Variants in HDAC3 observed in about 807,000 individuals in gnomAD.
HDAC3 encodes the protein histone deacetylase 3.
Under a neutral mutation model 62.3 loss-of-function variants are expected in HDAC3, and 21 were observed. That is an observed-to-expected ratio of 0.34 (90% confidence interval 0.24 to 0.49). HDAC3 has a LOEUF of 0.49. Ranked by LOEUF, HDAC3 falls within the 20% of genes least tolerant of loss-of-function variation. HDAC3 has a pLI of 0.99. For synonymous variants in HDAC3, 198 were observed against 206.5 expected, an observed-to-expected ratio of 0.96 and a Z score of 0.35; for missense variants, 270 against 556.9, an observed-to-expected ratio of 0.48 and a Z score of 5.19.
At chr5:141,630,952 G>A (rs921820630) in intron 3 of HDAC3, among the ~76,000 whole-genome samples, 1 of 149,010 alleles carries the variant, frequency 6.7e-6, no homozygotes, top group African/African-American at 2.5e-5. Flanking sequence ...CTCCCAAATT[G>A]TTGGGACTAC....
rs76859582 is a variant in HDAC3, at chr5:141,631,855, C to T, written c.282-1730G>A. Among the ~76,000 whole-genome samples the T allele has an allele frequency of 1.4e-3, 216 of 152,124 alleles. 2 individuals carry two copies. In the East Asian group the frequency reaches 0.028, roughly 20 times the overall value. On this transcript the variant is annotated intron_variant, in intron 3 of 14. Transcript: ENST00000305264. ...GGCTGTAAAGCACTTAGAACAGTAC[C>T]TAGTATATAACAGGTATTACCTAAG...
chr5:141,634,224 G>A (rs571048579), intron 3 of HDAC3, among the ~76,000 whole-genome samples: 21 of 151,962 alleles, frequency 1.4e-4, no homozygotes, highest in South Asian at 2.1e-4. Context: ...TCTACTCTAC[G>A]GGTAAAAACC....
chr5:141,635,162 A>C, intron 2 of HDAC3: 5 of 481,768 alleles, frequency 1.0e-5, no homozygotes, highest in South Asian at 6.3e-5. Context: ...TTTCCTTTCC[A>C]CCTCCAGCTC....
Position 141,628,338 on chromosome 5 carries a change from C to G in HDAC3, c.692-151G>C. 2 of 751,838 alleles carry G rather than the reference C, an allele frequency of 2.7e-6. No individual in the cohort carries two copies. Among genetic ancestry groups the G allele is most frequent in the Non-Finnish European group, 4.6e-6 (2 of 439,358 alleles). The allele number at this position is 751,838 out of a possible 1,614,324, so 46.6% of individuals were successfully genotyped here. Reference sequence around the variant, plus strand: ...TGGTCTGAAACTTCTGGAAGGGATCCCAGACTGCTATGAGTGACTGATGAA... The same window carrying G: ...TGGTCTGAAACTTCTGGAAGGGATCGCAGACTGCTATGAGTGACTGATGAA... On this transcript the variant is annotated intron_variant, in intron 8 of 14. Transcript: ENST00000305264. This position sits in a 1 kb window ranked among gnomAD's most constrained non-coding sequence, Gnocchi z 4.7.
chr5:141,635,219 T>G, intron 2 of HDAC3: 2 of 344,262 alleles, frequency 5.8e-6, no homozygotes, highest in Non-Finnish European at 5.3e-6. Flanking sequence ...ACCTGCCCTG[T>G]TCCTTGGAAT....
chr5:141,621,582 A>G (rs146062603), intron 14 of HDAC3, 45 bp from the exon 15 acceptor site: 28,885 of 1,528,626 alleles, frequency 0.019, 365 homozygotes, highest in South Asian at 0.033. Context: ...TCTAAGTTCT[A>G]ATCTTCTCCC....
Position 141,621,137 on chromosome 5 carries a change from C to T in HDAC3, c.*331G>A. On this transcript the variant is annotated 3_prime_UTR_variant, in exon 15 of 15. Coordinates refer to ENST00000305264, the MANE Select transcript of HDAC3 (RefSeq NM_003883.4). Reference sequence around the variant, plus strand: ...CAATCTCAGTCCTTGTCTACCCGTTCATCCCTCAAAAATCTCTGGGTTCGA... The same window carrying T: ...CAATCTCAGTCCTTGTCTACCCGTTTATCCCTCAAAAATCTCTGGGTTCGA... The T allele has an allele frequency of 3.3e-6, 1 of 299,322 alleles. No homozygotes were observed. The highest frequency in any genetic ancestry group is 3.1e-5 in the South Asian group (1 of 32,358). 18.5% of individuals were successfully genotyped at this position (299,322 alleles called of 1,614,324 possible).
intron 14 of HDAC3, among the ~76,000 whole-genome samples, chr5:141,622,112 C>T (rs370577349): frequency 1.3e-5 from 2 of 152,128 alleles, no homozygotes; most frequent in Admixed American, 6.5e-5. Context: ...AGATGAGATC[C>T]TGGATGTAGG....
intron 10 of HDAC3, 117 bp downstream of exon 10, chr5:141,627,776 G>A: frequency 1.2e-6 from 1 of 840,222 alleles, no homozygotes; most frequent in Non-Finnish European, 2.0e-6. Flanking sequence ...AGTACAATTT[G>A]TAGCTATTTT....
In HDAC3 at chr5:141,625,635, G is replaced by A; in HGVS notation, c.1059+50C>T. 6.5e-7 allele frequency: 1 copy of A among 1,547,084 alleles called. No homozygotes were observed. Among genetic ancestry groups the A allele is most frequent in the East Asian group, 2.2e-5 (1 of 44,532 alleles). ...CTTCCCACATCTTTGACCTCTCCTG[G>A]GCTCCACCTTTCAGGAGAAGTTTGT... On this transcript the variant is annotated intron_variant, in intron 13 of 14. Coordinates refer to ENST00000305264, the MANE Select transcript of HDAC3 (RefSeq NM_003883.4). This position sits in a 1 kb window ranked among gnomAD's most constrained non-coding sequence, Gnocchi z 4.0.
chr5:141,621,769 T>A (rs1172264714), intron 14 of HDAC3, among the ~76,000 whole-genome samples: 5 of 152,226 alleles, frequency 3.3e-5, no homozygotes, highest in Admixed American at 2.6e-4. Flanking sequence ...GACAAGGTTG[T>A]CTATCCTCAA....
chr5:141,627,850 G>T (rs1041855186), intron 10 of HDAC3, 43 bp downstream of exon 10: 3 of 1,591,278 alleles, frequency 1.9e-6, no homozygotes, highest in African/African-American at 1.3e-5. Context: ...GAAGTCCAAG[G>T]CCACTTAAAA....
In HDAC3 at chr5:141,628,531, G is replaced by A. The variant is rs202005373; in HGVS notation, c.691+28C>T. 1.9e-6 allele frequency: 3 copies of A among 1,568,884 alleles called. No homozygotes were observed. The highest frequency in any genetic ancestry group is 2.2e-5 in the East Asian group (1 of 44,674). On this transcript the variant is annotated intron_variant, in intron 8 of 14. Transcript: ENST00000305264. This position sits in a 1 kb window ranked among gnomAD's most constrained non-coding sequence, Gnocchi z 4.7. The stretch of plus-strand genomic sequence containing the variant: ...TCAAGGAGAAAAAGAAGGGGCCTAG[G>A]GAACAGAGGGAAGACTTCGGTACTT...
intron 10 of HDAC3, 23 bp downstream of exon 10, chr5:141,627,867 GGGA>G (rs777129932): frequency 1.9e-6 from 3 of 1,612,478 alleles, no homozygotes; most frequent in Non-Finnish European, 2.5e-6. Context: ...AAAAACCTTG[GGGA>G]GAAGAAGGAG....
Position 141,628,326 on chromosome 5 carries a change from C to T in HDAC3, c.692-139G>A, listed in dbSNP as rs2099904732. ...GAATCAAATCACTGGTCTGAAACTT[C>T]TGGAAGGGATCCCAGACTGCTATGA... On this transcript the variant is annotated intron_variant, in intron 8 of 14. Coordinates refer to ENST00000305264, the MANE Select transcript of HDAC3 (RefSeq NM_003883.4). The surrounding 1 kb of genome is among the most constrained non-coding windows in gnomAD (Gnocchi z 4.7). The T allele has an allele frequency of 1.3e-6, 1 of 788,120 alleles. No homozygotes were observed. Among genetic ancestry groups the T allele is most frequent in the Non-Finnish European group, 2.1e-6 (1 of 470,258 alleles). 48.8% of individuals were successfully genotyped at this position (788,120 alleles called of 1,614,324 possible).
chr5:141,634,834 A>G lies in HDAC3; in HGVS notation c.258T>C (p.Asn86=), dbSNP rs199771571. The change falls in exon 3 of 15, where the codon AAT becomes AAC. Residue 86 remains asparagine, a synonymous_variant. Coordinates refer to ENST00000305264, the MANE Select transcript of HDAC3 (RefSeq NM_003883.4). The part of the protein sequence containing the change: ...TNMQGFTKSL[N]AFNVGDDCPV... Reference sequence around the variant, plus strand: ...ACCAGTCATCGCCTACGTTGAAGGCATTAAGACTCTTGGTGAAGCCTTGCA... The same window carrying G: ...ACCAGTCATCGCCTACGTTGAAGGCGTTAAGACTCTTGGTGAAGCCTTGCA... 2 of 1,614,186 alleles carry G rather than the reference A, an allele frequency of 1.2e-6. No individual in the cohort carries two copies. Among genetic ancestry groups the G allele is most frequent in the Non-Finnish European group, 1.7e-6 (2 of 1,180,026 alleles).
In HDAC3 at chr5:141,621,019, G is replaced by A. The variant is rs2099903629; in HGVS notation, c.*449C>T. The stretch of plus-strand genomic sequence containing the variant: ...CATCATCTGGGATTCAGGTGTTAGG[G>A]AGCCAGAGCCCCTTCCAAATCTCTC... On this transcript the variant is annotated 3_prime_UTR_variant, in exon 15 of 15. Transcript: ENST00000305264. The A allele has an allele frequency of 5.2e-6, 1 of 192,652 alleles. No individual in the cohort carries two copies. The highest frequency in any genetic ancestry group is 6.1e-5 in the Admixed American group (1 of 16,526). The allele number at this position is 192,652 out of a possible 1,614,324, so 11.9% of individuals were successfully genotyped here.
chr5:141,623,969 T>A (rs2099904058), intron 14 of HDAC3, among the ~76,000 whole-genome samples: 1 of 151,514 alleles, frequency 6.6e-6, no homozygotes, highest in Non-Finnish European at 1.5e-5. Context: ...AAAAAAAAAT[T>A]CCATCCTATC....
chr5:141,628,782 G>A lies in HDAC3; in HGVS notation c.611-143C>T. On this transcript the variant is annotated intron_variant, in intron 7 of 14. Transcript: ENST00000305264. The surrounding 1 kb of genome is among the most constrained non-coding windows in gnomAD (Gnocchi z 4.7). ...CCCTAGAGCCACTAAATCTCTTGCA[G>A]CTTGCATTCATTGGGCAAATAGTTT... 1 of 647,420 alleles carries A rather than the reference G, an allele frequency of 1.5e-6. No homozygotes were observed. Among genetic ancestry groups the A allele is most frequent in the South Asian group, 1.9e-5 (1 of 52,692 alleles). 40.1% of individuals were successfully genotyped at this position (647,420 alleles called of 1,614,324 possible). A position where few individuals can be genotyped will look rare whatever the true frequency, so the allele number is the denominator to read the frequency against.
Sources: allele counts gnomAD v4.1 joint callset (sites outside exome capture counted in the v4.1 genomes callset), GRCh38; gene constraint gnomAD v4.1.1; non-coding constraint Gnocchi (gnomAD v3.1); transcripts MANE v1.5; gene names NCBI Gene and HGNC (gene_info 2026-07-23, HGNC 2026-07-21).